ZGLP1: variants seen among roughly 807,000 people sequenced by gnomAD.
ZGLP1 encodes GATA-type zinc finger protein 1.
ZGLP1 carries 11 observed loss-of-function variants against 21.4 expected under a neutral mutation model. The observed-to-expected ratio is 0.51, with a 90% CI of 0.32 to 0.85. ZGLP1 has a LOEUF of 0.85. Ranked by LOEUF, ZGLP1 falls within the 40% of genes least tolerant of loss-of-function variation. ZGLP1 has a pLI of 0.03. For missense variants in ZGLP1, 295 were observed against 355.6 expected (o/e 0.83, Z 1.37); for synonymous variants, 148 against 145.0 (o/e 1.02, Z -0.15).
At chr19:10,308,837 G>A in exon 1 of ZGLP1, 1 of 549,116 alleles carries the variant, frequency 1.8e-6, no homozygotes, top group Non-Finnish European at 2.9e-6. Flanking sequence ...ACCGAGGCAG[G>A]ATATCAAGCC....
Position 10,305,327 on chromosome 19 carries a change from T to C in ZGLP1, c.698+63A>G. On this transcript the variant is annotated intron_variant, in intron 3 of 3. Transcript: ENST00000403903. This position sits in a 1 kb window ranked among gnomAD's most constrained non-coding sequence, Gnocchi z 4.7. ...TGCTTTTTGCTTTCCCCACAGGCCA[T>C]CCTGGTTACACGTGGACTGATTTGG... 1 of 1,544,870 alleles carries C rather than the reference T, an allele frequency of 6.5e-7. No homozygotes were observed. Among genetic ancestry groups the C allele is most frequent in the Non-Finnish European group, 8.8e-7 (1 of 1,133,432 alleles).
rs2291473 is a variant in ZGLP1 at position 10,305,105 on chromosome 19, T to C, written c.802A>G (p.Ile268Val). 204,526 of 1,612,928 alleles carry C rather than the reference T, an allele frequency of 0.13. 15,036 individuals carry two copies. Among genetic ancestry groups the C allele is most frequent in the South Asian group, 0.27 (24,953 of 91,032 alleles). Residue 268 changes from isoleucine to valine, a missense_variant, in exon 4 of 4, where the codon ATT becomes GTT. Around this residue, in one of 2 missense-constraint regions of ZGLP1, gnomAD observed 43 missense variants for 91.7 expected, o/e 0.47. Transcript: ENST00000403903. The surrounding 1 kb of genome is among the most constrained non-coding windows in gnomAD (Gnocchi z 4.7). Reference sequence around the variant, plus strand: ...TGAAGCTGGGTTTAACCTTCCTGAATGGGGTCCAGGGACACTCCACATCTG... The same window carrying C: ...TGAAGCTGGGTTTAACCTTCCTGAACGGGGTCCAGGGACACTCCACATCTG...
exon 1 of ZGLP1, chr19:10,308,217 C>T (rs1309279735): frequency 6.4e-7 from 1 of 1,553,808 alleles, no homozygotes; most frequent in Admixed American, 2.0e-5. Flanking sequence ...GGCTGGAGTC[C>T]GGCTTTATCT....
chr19:10,304,811 T>G, exon 4 of ZGLP1: 1 of 425,792 alleles, frequency 2.3e-6, no homozygotes, highest in East Asian at 4.0e-5. Context: ...TCTCTCGGCA[T>G]ATCTCTGTAC....
exon 1 of ZGLP1, chr19:10,308,547 G>A: frequency 1.9e-6 from 3 of 1,603,704 alleles, no homozygotes; most frequent in Non-Finnish European, 2.6e-6. Context: ...CAGGCCAGAG[G>A]GACCTGGGGA....
chr19:10,306,032 T>G (rs1267203367), intron 1 of ZGLP1, 80 bp from the exon 3 acceptor site: 1 of 1,061,340 alleles, frequency 9.4e-7, no homozygotes, highest in Admixed American at 2.5e-5. Flanking sequence ...AGATTTAGTA[T>G]CAAGGTATCA....
At chr19:10,309,564 G>A (rs1271371181) in exon 1 of ZGLP1, 3 of 152,706 alleles carry the variant, frequency 2.0e-5, no homozygotes, top group African/African-American at 7.2e-5. Context: ...CACCTGGGAG[G>A]GGCGGGACCT....
chr19:10,307,990 A>G (rs1252836047), intron 1 of ZGLP1, among the ~76,000 whole-genome samples, 195 bp downstream of exon 2: 1 of 152,256 alleles, frequency 6.6e-6, no homozygotes, highest in Non-Finnish European at 1.5e-5. Context: ...TCACATTGGG[A>G]GTGGGGAGCC....
rs751989608 is a variant in ZGLP1, at chr19:10,305,404, G to A, written c.684C>T (p.Asn228=). The stretch of plus-strand genomic sequence containing the variant: ...ATTCTAAGGACCTGATCCCACAGGC[G>A]TTGCAGAGAGGGGTCCCATCTTCAG... The change falls in exon 3 of 4, where the codon AAC becomes AAT. Residue 228 remains asparagine (N), a synonymous_variant. Transcript: ENST00000403903. This position sits in a 1 kb window ranked among gnomAD's most constrained non-coding sequence, Gnocchi z 4.7. 2.2e-5 allele frequency: 35 copies of A among 1,595,310 alleles called. No individual in the cohort carries two copies. Among genetic ancestry groups the A allele is most frequent in the African/African-American group, 4.0e-5 (3 of 74,564 alleles).
In ZGLP1 at chr19:10,305,460, G is replaced by C. The variant is rs200568240; in HGVS notation, c.628C>G (p.Arg210Gly). 6 of 1,599,032 alleles carry C rather than the reference G, an allele frequency of 3.8e-6. No homozygotes were observed. Among genetic ancestry groups the C allele is most frequent in the African/African-American group, 1.3e-5 (1 of 74,688 alleles). The change falls in exon 3 of 4, where the codon CGG (arginine) becomes GGG (glycine). Residue 210 changes from arginine to glycine, a missense_variant. Coordinates refer to ENST00000403903, the Ensembl canonical transcript of ZGLP1. The surrounding 1 kb of genome is among the most constrained non-coding windows in gnomAD (Gnocchi z 4.7). ...CTCCAGAGCGGGGTCCTCTGGGTCC[G>C]ACAGGAAGCACAGCGCCGGGGCTCT...
chr19:10,309,620 G>GA (rs1054981547), exon 1 of ZGLP1: 1 of 152,606 alleles, frequency 6.6e-6, no homozygotes, highest in Non-Finnish European at 1.5e-5. Flanking sequence ...AGCCCCAGCT[G>GA]AGAGCGACCA....
At chr19:10,307,495 G>A (rs1441803816) in intron 1 of ZGLP1, among the ~76,000 whole-genome samples, 2 of 148,584 alleles carry the variant, frequency 1.3e-5, no homozygotes, top group Non-Finnish European at 3.0e-5. Context: ...GATTACAGGT[G>A]CCCATTACCA....
At chr19:10,308,423 G>A (rs1406966958) in exon 1 of ZGLP1, 1 of 1,609,300 alleles carries the variant, frequency 6.2e-7, no homozygotes. Flanking sequence ...TGAGTCCCCA[G>A]AGCCATCGGG....
exon 1 of ZGLP1, chr19:10,308,747 TC>T: frequency 7.3e-7 from 1 of 1,377,560 alleles, no homozygotes; most frequent in South Asian, 2.0e-5. Context: ...ACTGTGGGCC[TC>T]CCAGGCACGC....
At chr19:10,304,924 C>T (rs2040270529) in exon 4 of ZGLP1, 1 of 621,450 alleles carries the variant, frequency 1.6e-6, no homozygotes, top group African/African-American at 1.8e-5. Flanking sequence ...CCCTAGCAGG[C>T]TCTGCCACCT....
intron 1 of ZGLP1, among the ~76,000 whole-genome samples, chr19:10,307,000 A>G (rs1364766858): frequency 1.3e-5 from 2 of 151,870 alleles, no homozygotes; most frequent in Non-Finnish European, 2.9e-5. Flanking sequence ...CAGGCGTGGT[A>G]GCAGGCACCT....
intron 1 of ZGLP1, among the ~76,000 whole-genome samples, 184 bp from the exon 3 acceptor site, chr19:10,306,136 G>A (rs961185156): frequency 3.3e-5 from 5 of 151,664 alleles, no homozygotes; most frequent in African/African-American, 1.2e-4. Context: ...TTTTGCAGAT[G>A]GAGTCTCGCT....
At chr19:10,304,957 A>G in exon 4 of ZGLP1, 1 of 703,218 alleles carries the variant, frequency 1.4e-6, no homozygotes, top group Non-Finnish European at 2.4e-6. Context: ...TTCCCCCGGG[A>G]TCCTTGAATC....
At chr19:10,308,331 C>G (rs767271194) in exon 1 of ZGLP1, 3 of 1,610,556 alleles carry the variant, frequency 1.9e-6, no homozygotes, top group African/African-American at 2.7e-5. Context: ...CCGAGGGAGT[C>G]CCCGGGGGCT....
Sources: allele counts gnomAD v4.1 joint callset (sites outside exome capture counted in the v4.1 genomes callset), GRCh38; gene constraint gnomAD v4.1.1; regional missense constraint gnomAD v4.1.1; non-coding constraint Gnocchi (gnomAD v3.1); transcripts MANE v1.5; gene names NCBI Gene and HGNC (gene_info 2026-07-23, HGNC 2026-07-21).